Variants in PCDHB16 observed in about 807,000 individuals in gnomAD.
PCDHB16 encodes protocadherin beta 16.
For missense variants in PCDHB16, 1,026 were observed against 989.9 expected (o/e 1.04, Z -0.49); for synonymous variants, 444 against 436.5 (o/e 1.02, Z -0.21).
chr5:141,183,826 G>C lies in PCDHB16; in HGVS notation c.1267G>C (p.Val423Leu), dbSNP rs781890693. 26 of 1,614,046 alleles carry C rather than the reference G, an allele frequency of 1.6e-5. 1 individual carries two copies. In the South Asian group the frequency reaches 2.7e-4, roughly 17 times the overall value. ...AGCTGAATATAATATCACCCTCACC[G>C]TCACAGATATGGGGACTCCAAGGCT... ...ARAEYNITLTVTDMGTPRLKT... is the reference protein window; with the variant it reads ...ARAEYNITLTLTDMGTPRLKT... The change falls in exon 1 of 1, where the codon GTC becomes CTC. Residue 423 changes from valine to leucine, a missense_variant. By Grantham distance (32) the Val-to-Leu change is conservative (BLOSUM62 1). Transcript: ENST00000609684.
Position 141,183,140 on chromosome 5 carries a change from T to C in PCDHB16, c.581T>C (p.Leu194Pro), listed in dbSNP as rs1554282083. 2 of 1,614,136 alleles carry C rather than the reference T, an allele frequency of 1.2e-6. No individual in the cohort carries two copies. The highest frequency in any genetic ancestry group is 1.7e-6 in the Non-Finnish European group (2 of 1,179,978). Reference protein sequence around the residue: ...EFRDGRKYPELVLDKELDREE... With the variant: ...EFRDGRKYPEPVLDKELDREE... ...AGAGATGGCAGGAAATACCCTGAGC[T>C]AGTGTTGGATAAAGAGCTGGATCGG... Residue 194 changes from leucine (L) to proline (P), a missense_variant, in exon 1 of 1, where the codon CTA (leucine) becomes CCA (proline). Leu to Pro is a moderately conservative substitution (Grantham distance 98, BLOSUM62 -3). Transcript: ENST00000609684.
In PCDHB16 at chr5:141,186,210, A is replaced by G. The variant is rs1753730798; in HGVS notation, c.*1320A>G. The G allele has an allele frequency of 1.0e-6, 1 of 991,018 alleles. No homozygotes were observed. The highest frequency in any genetic ancestry group is 1.2e-6 in the Non-Finnish European group (1 of 821,878). 61.4% of individuals were successfully genotyped at this position (991,018 alleles called of 1,614,324 possible). ...ATATTAGGCCTTTGAATAAAATTCT[A>G]TGTGAGTCAGATTTAATAATTTGTT... On this transcript the variant is annotated 3_prime_UTR_variant, in exon 1 of 1. Coordinates refer to ENST00000609684, the MANE Select transcript of PCDHB16 (RefSeq NM_020957.4).
rs1554282398 is a variant in PCDHB16 at position 141,184,503 on chromosome 5, C to T, written c.1944C>T (p.Gly648=). The change falls in exon 1 of 1, where the codon GGC becomes GGT. Residue 648 remains glycine, a synonymous_variant. Coordinates refer to ENST00000609684, the MANE Select transcript of PCDHB16 (RefSeq NM_020957.4). ...TGGTGGTGCTGGTCAAGGACAATGG[C>T]GAGCCTCCGCGCTCGGCCACCGCCA... ...QRLVVLVKDN[G]EPPRSATATL... 3 of 1,608,916 alleles carry T rather than the reference C, an allele frequency of 1.9e-6. No individual in the cohort carries two copies. Among genetic ancestry groups the T allele is most frequent in the Non-Finnish European group, 2.5e-6 (3 of 1,179,582 alleles).
In PCDHB16 at chr5:141,183,326, C is replaced by T; in HGVS notation, c.767C>T (p.Pro256Leu). 1.2e-6 allele frequency: 2 copies of T among 1,614,206 alleles called. No homozygotes were observed. The highest frequency in any genetic ancestry group is 1.7e-6 in the Non-Finnish European group (2 of 1,180,046). ...AAAGTGCAGATTCCAGAGAACAGTC[C>T]TCTTGGCTCCCTGGTTGCCACCGTC... ...IYKVQIPENS[P>L]LGSLVATVSA... is the part of the protein sequence containing the mutation. Residue 256 changes from proline (P) to leucine (L), a missense_variant, in exon 1 of 1, where the codon CCT becomes CTT. Transcript: ENST00000609684.
In PCDHB16 at chr5:141,185,758, A is replaced by G. The variant is rs1319129826; in HGVS notation, c.*868A>G. The G allele has an allele frequency of 2.0e-6, 2 of 993,296 alleles. No homozygotes were observed. The highest frequency in any genetic ancestry group is 2.4e-6 in the Non-Finnish European group (2 of 823,770). 61.5% of individuals were successfully genotyped at this position (993,296 alleles called of 1,614,324 possible). ...GAGTCTCGTAAAGTTACCTTTAAAA[A>G]AAAAGTTCTATTTTCCCTGTATTGG... On this transcript the variant is annotated 3_prime_UTR_variant, in exon 1 of 1. Transcript: ENST00000609684.
rs144519657 is a variant in PCDHB16, at chr5:141,184,749, C to T, written c.2190C>T (p.Gly730=). 1.2e-6 allele frequency: 2 copies of T among 1,614,090 alleles called. No individual in the cohort carries two copies. The highest frequency in any genetic ancestry group is 1.7e-6 in the Non-Finnish European group (2 of 1,180,050). Residue 730 remains glycine (G), a synonymous_variant, in exon 1 of 1, where the codon GGC becomes GGT. Coordinates refer to ENST00000609684, the MANE Select transcript of PCDHB16 (RefSeq NM_020957.4). ...TGGGCCGCTGCTCGATGCCTGAGGG[C>T]CCCTTTCCAGGGCGTCTGGTGGACG... The part of the protein sequence containing the change: ...ASVGRCSMPE[G]PFPGRLVDVS...
At position 141,183,876 on chromosome 5, in the gene PCDHB16, G is replaced by A. The variant is rs782009647; in HGVS notation, c.1317G>A (p.Val439=). The change falls in exon 1 of 1, where the codon GTG becomes GTA. Residue 439 remains valine, a synonymous_variant. Coordinates refer to ENST00000609684, the MANE Select transcript of PCDHB16 (RefSeq NM_020957.4). ...PRLKTEHNIT[V]QISDVNDNAP... The stretch of plus-strand genomic sequence containing the variant: ...TGAAAACGGAGCACAACATAACAGT[G>A]CAGATATCAGATGTCAATGATAACG... 3 of 1,614,164 alleles carry A rather than the reference G, an allele frequency of 1.9e-6. No individual in the cohort carries two copies. Among genetic ancestry groups the A allele is most frequent in the Admixed American group, 3.3e-5 (2 of 60,024 alleles).
At position 141,184,438 on chromosome 5, in the gene PCDHB16, G is replaced by A. The variant is rs370334397; in HGVS notation, c.1879G>A (p.Ala627Thr). The change falls in exon 1 of 1, where the codon GCC becomes ACC. Residue 627 changes from alanine to threonine, a missense_variant. Coordinates refer to ENST00000609684, the MANE Select transcript of PCDHB16 (RefSeq NM_020957.4). Reference protein sequence around the residue: ...VWAHNGEVRTARLLSERDAAK... With the variant: ...VWAHNGEVRTTRLLSERDAAK... ...GGCGCACAATGGCGAGGTGCGCACC[G>A]CCAGGCTGCTGAGCGAGCGCGACGC... is the stretch of plus-strand genomic sequence containing the variant. 9 of 1,607,692 alleles carry A rather than the reference G, an allele frequency of 5.6e-6. No homozygotes were observed. Among genetic ancestry groups the A allele is most frequent in the African/African-American group, 5.3e-5 (4 of 74,926 alleles).
In PCDHB16 at chr5:141,184,986, T is replaced by A; in HGVS notation, c.*96T>A. ...CCATTTGATAAATTCCTTAACTTCT[T>A]ATGATTGTCTTGTTGATTAAATTGT... is the stretch of plus-strand genomic sequence containing the variant. On this transcript the variant is annotated 3_prime_UTR_variant, in exon 1 of 1. Coordinates refer to ENST00000609684, the MANE Select transcript of PCDHB16 (RefSeq NM_020957.4). 1 of 1,505,842 alleles carries A rather than the reference T, an allele frequency of 6.6e-7. No individual in the cohort carries two copies. Among genetic ancestry groups the A allele is most frequent in the Non-Finnish European group, 8.9e-7 (1 of 1,128,758 alleles). 93.3% of individuals were successfully genotyped at this position (1,505,842 alleles called of 1,614,324 possible).
In PCDHB16 at chr5:141,184,769, T is replaced by G. The variant is rs1753680224; in HGVS notation, c.2210T>G (p.Val737Gly). Residue 737 changes from valine (V) to glycine (G), a missense_variant, in exon 1 of 1, where the codon GTG becomes GGG. By Grantham distance (109) the Val-to-Gly change is moderately radical. Transcript: ENST00000609684. ...MPEGPFPGRLVDVSGTGTLSQ... is the reference protein window; with the variant it reads ...MPEGPFPGRLGDVSGTGTLSQ... ...GAGGGCCCCTTTCCAGGGCGTCTGGTGGACGTAAGCGGCACCGGGACCCTG... is the reference window on the plus strand; with the variant it reads ...GAGGGCCCCTTTCCAGGGCGTCTGGGGGACGTAAGCGGCACCGGGACCCTG... The G allele has an allele frequency of 6.2e-7, 1 of 1,614,176 alleles. No individual in the cohort carries two copies. The highest frequency in any genetic ancestry group is 8.5e-7 in the Non-Finnish European group (1 of 1,180,036).
Position 141,183,585 on chromosome 5 carries a change from C to T in PCDHB16, c.1026C>T (p.Asp342=). The T allele has an allele frequency of 6.2e-7, 1 of 1,614,156 alleles. No individual in the cohort carries two copies. ...TCCTGCAGGTGGTGGACGTGAATGA[C>T]AATCCCCCACAGGTGACCATGTCTG... is the stretch of plus-strand genomic sequence containing the variant. ...TLLLQVVDVN[D]NPPQVTMSAL... is the part of the protein sequence containing the mutation. The change falls in exon 1 of 1, where the codon GAC becomes GAT. Residue 342 remains aspartate, a synonymous_variant. Transcript: ENST00000609684.
In PCDHB16 at chr5:141,185,228, C is replaced by T; in HGVS notation, c.*338C>T. On this transcript the variant is annotated 3_prime_UTR_variant, in exon 1 of 1. Transcript: ENST00000609684. ...CCTATTCATTTTTTGCTCCATTTTTCATGTTACTTCTCAGTTTCCTAGAAC... is the reference window on the plus strand; with the variant it reads ...CCTATTCATTTTTTGCTCCATTTTTTATGTTACTTCTCAGTTTCCTAGAAC... 9.7e-7 allele frequency: 1 copy of T among 1,027,764 alleles called. No homozygotes were observed. Among genetic ancestry groups the T allele is most frequent in the African/African-American group, 1.7e-5 (1 of 58,060 alleles). 63.7% of individuals were successfully genotyped at this position (1,027,764 alleles called of 1,614,324 possible). A position where few individuals can be genotyped will look rare whatever the true frequency, so the allele number is the denominator to read the frequency against.
In PCDHB16 at chr5:141,186,217, T is replaced by G; in HGVS notation, c.*1327T>G. 1.0e-6 allele frequency: 1 copy of G among 989,764 alleles called. No individual in the cohort carries two copies. Among genetic ancestry groups the G allele is most frequent in the Non-Finnish European group, 1.2e-6 (1 of 820,970 alleles). 61.3% of individuals were successfully genotyped at this position (989,764 alleles called of 1,614,324 possible). ...GCCTTTGAATAAAATTCTATGTGAG[T>G]CAGATTTAATAATTTGTTTTCACTT... On this transcript the variant is annotated 3_prime_UTR_variant, in exon 1 of 1. Transcript: ENST00000609684.
chr5:141,185,021 C>T lies in PCDHB16; in HGVS notation c.*131C>T. The T allele has an allele frequency of 1.4e-6, 2 of 1,460,470 alleles. No individual in the cohort carries two copies. The highest frequency in any genetic ancestry group is 3.0e-5 in the South Asian group (2 of 67,194). 90.5% of individuals were successfully genotyped at this position (1,460,470 alleles called of 1,614,324 possible). A position where few individuals can be genotyped will look rare whatever the true frequency, so the allele number is the denominator to read the frequency against. On this transcript the variant is annotated 3_prime_UTR_variant, in exon 1 of 1. Transcript: ENST00000609684. The stretch of plus-strand genomic sequence containing the variant: ...TTGTTGATTAAATTGTTCATGCTCA[C>T]CACCACCAATAAGGTATTTTTCTCT...
Position 141,184,988 on chromosome 5 carries a change from T to C in PCDHB16, c.*98T>C. ...ATTTGATAAATTCCTTAACTTCTTA[T>C]GATTGTCTTGTTGATTAAATTGTTC... On this transcript the variant is annotated 3_prime_UTR_variant, in exon 1 of 1. Transcript: ENST00000609684. 1 of 1,502,418 alleles carries C rather than the reference T, an allele frequency of 6.7e-7. No individual in the cohort carries two copies. The highest frequency in any genetic ancestry group is 8.9e-7 in the Non-Finnish European group (1 of 1,127,016). The allele number at this position is 1,502,418 out of a possible 1,614,324, so 93.1% of individuals were successfully genotyped here. A position where few individuals can be genotyped will look rare whatever the true frequency, so the allele number is the denominator to read the frequency against.
In PCDHB16 at chr5:141,182,675, C is replaced by A; in HGVS notation, c.116C>A (p.Thr39Lys). ...GGGTCCTATTCCGTAGTGGAAGAAACGGAGAGAGGCTCTTTTGTGGCAAAT... is the reference window on the plus strand; with the variant it reads ...GGGTCCTATTCCGTAGTGGAAGAAAAGGAGAGAGGCTCTTTTGTGGCAAAT... The part of the protein sequence containing the change: ...ELGSYSVVEE[T>K]ERGSFVANLG... Residue 39 changes from threonine (T) to lysine (K), a missense_variant, in exon 1 of 1, where the codon ACG (threonine) becomes AAG (lysine). Transcript: ENST00000609684. 1 of 1,608,680 alleles carries A rather than the reference C, an allele frequency of 6.2e-7. No homozygotes were observed. The highest frequency in any genetic ancestry group is 2.2e-5 in the East Asian group (1 of 44,802).
At position 141,183,636 on chromosome 5, in the gene PCDHB16, C is replaced by T. The variant is rs1554282186; in HGVS notation, c.1077C>T (p.Asn359=). ...CACTCACCAGCCCCATCCCAGAGAA[C>T]TCGCCTGAGATAGTAGTTGCTGTTT... The part of the protein sequence containing the change: ...MSALTSPIPE[N]SPEIVVAVFS... Residue 359 remains asparagine, a synonymous_variant, in exon 1 of 1, where the codon AAC becomes AAT. Coordinates refer to ENST00000609684, the MANE Select transcript of PCDHB16 (RefSeq NM_020957.4). 1.2e-6 allele frequency: 2 copies of T among 1,614,210 alleles called. No individual in the cohort carries two copies. Among genetic ancestry groups the T allele is most frequent in the Non-Finnish European group, 1.7e-6 (2 of 1,180,036 alleles).
chr5:141,183,390 A>G lies in PCDHB16; in HGVS notation c.831A>G (p.Ile277Met), dbSNP rs1476856590. ...TAGACGGCGGAGCCAATGGAAAAAT[A>G]TCATACACACTCTTTCAGCCTTCGG... is the stretch of plus-strand genomic sequence containing the variant. ...RDLDGGANGK[I>M]SYTLFQPSED... Residue 277 changes from isoleucine to methionine, a missense_variant, in exon 1 of 1, where the codon ATA becomes ATG. By Grantham distance (10) the Ile-to-Met change is conservative. Transcript: ENST00000609684. The G allele has an allele frequency of 6.2e-7, 1 of 1,614,164 alleles. No individual in the cohort carries two copies. Among genetic ancestry groups the G allele is most frequent in the African/African-American group, 1.3e-5 (1 of 75,050 alleles).
At position 141,183,413 on chromosome 5, in the gene PCDHB16, C is replaced by T. The variant is rs1463003683; in HGVS notation, c.854C>T (p.Ser285Leu). ...GKISYTLFQP[S>L]EDISKTLEVN... ...ATATCATACACACTCTTTCAGCCTT[C>T]GGAGGATATTAGTAAAACTTTGGAG... is the stretch of plus-strand genomic sequence containing the variant. The change falls in exon 1 of 1, where the codon TCG (serine) becomes TTG (leucine). Residue 285 changes from serine (S) to leucine (L), a missense_variant. Ser to Leu is a moderately radical substitution (Grantham distance 145, BLOSUM62 -2). Transcript: ENST00000609684. 2 of 1,613,960 alleles carry T rather than the reference C, an allele frequency of 1.2e-6. No individual in the cohort carries two copies. The highest frequency in any genetic ancestry group is 2.2e-5 in the East Asian group (1 of 44,900).
Sources: gnomAD v4.1 joint callset for allele counts on GRCh38, gnomAD v4.1.1 for gene constraint, MANE v1.5 for transcripts, NCBI Gene and HGNC (gene_info 2026-07-23, HGNC 2026-07-21) for gene names.